Variants in PPARGC1A observed in about 807,000 individuals in gnomAD.
PPARGC1A encodes the protein PPARG coactivator 1 alpha.
Under a neutral mutation model 88.7 loss-of-function variants are expected in PPARGC1A, and 25 were observed. The observed-to-expected ratio is 0.28, with a 90% CI of 0.21 to 0.39. The LOEUF is 0.39. Ranked by LOEUF, PPARGC1A falls within the 10% of genes least tolerant of loss-of-function variation. The pLI, the probability that PPARGC1A is intolerant of heterozygous loss-of-function variation, is 1.00. For missense variants in PPARGC1A, 880 were observed against 968.7 expected, an observed-to-expected ratio of 0.91 and a Z score of 1.22; for synonymous variants, 363 against 355.6, an observed-to-expected ratio of 1.02 and a Z score of -0.24.
intron 2 of PPARGC1A, among the ~76,000 whole-genome samples, chr4:23,839,652 G>A (rs1214141927): frequency 2.6e-5 from 4 of 152,074 alleles, no homozygotes; most frequent in African/African-American, 7.2e-5. Flanking sequence ...CTGTTTTCAC[G>A]CTGCTGATAA....
chr4:24,123,917 AAAAAAAAAC>A, the PPARGC1A span, among the ~76,000 whole-genome samples: 1 of 151,552 alleles, frequency 6.6e-6, no homozygotes, highest in Non-Finnish European at 1.5e-5. Flanking sequence ...TGGCAAAAAA[AAAAAAAAAC>A]AAAAAAAACA....
chr4:24,329,486 G>A, the PPARGC1A span, among the ~76,000 whole-genome samples: 3 of 151,978 alleles, frequency 2.0e-5, no homozygotes, highest in Non-Finnish European at 4.4e-5. Flanking sequence ...GTTTCTGACT[G>A]CCCCAATTTC....
At chr4:23,814,632 AAAAAGAG>A in intron 7 of PPARGC1A, 27 bp from the exon 8 acceptor site, 1 of 1,475,528 alleles carries the variant, frequency 6.8e-7, no homozygotes, top group South Asian at 1.4e-5. Flanking sequence ...AAAAAAAAAA[AAAAAGAG>A]AGAGAAAGAA....
chr4:23,974,499 G>A, the PPARGC1A span, among the ~76,000 whole-genome samples: 2 of 152,128 alleles, frequency 1.3e-5, no homozygotes, highest in East Asian at 3.9e-4. Context: ...TTGCTTTAAC[G>A]TGGTTGCCAT....
At chr4:23,911,816 A>C in the PPARGC1A span, among the ~76,000 whole-genome samples, 1 of 152,168 alleles carries the variant, frequency 6.6e-6, no homozygotes, top group Non-Finnish European at 1.5e-5. Flanking sequence ...GCTACTTCTT[A>C]ACCTATTCTT....
the PPARGC1A span, among the ~76,000 whole-genome samples, chr4:24,451,303 T>C: frequency 1.3e-5 from 2 of 152,234 alleles, no homozygotes; most frequent in African/African-American, 4.8e-5. Context: ...TCATATTTTC[T>C]ACCCTGGCTA....
chr4:23,811,948 C>T (rs1195959345), intron 10 of PPARGC1A, among the ~76,000 whole-genome samples: 4 of 111,308 alleles, frequency 3.6e-5, no homozygotes, highest in African/African-American at 7.4e-5. Flanking sequence ...GACAGAGTCT[C>T]ACTCTGTCAC....
the PPARGC1A span, among the ~76,000 whole-genome samples, chr4:24,433,812 C>T: frequency 6.6e-6 from 1 of 152,102 alleles, no homozygotes; most frequent in Non-Finnish European, 1.5e-5. Context: ...CTGGACAGCC[C>T]GATTTTTATT....
the PPARGC1A span, among the ~76,000 whole-genome samples, chr4:24,438,323 T>C: frequency 1.1e-4 from 17 of 152,160 alleles, no homozygotes; most frequent in Non-Finnish European, 2.4e-4. Flanking sequence ...CATTATCCCA[T>C]TCTCTCCAGA....
the PPARGC1A span, among the ~76,000 whole-genome samples, chr4:23,995,787 A>T: frequency 1.3e-4 from 20 of 152,100 alleles, no homozygotes; most frequent in African/African-American, 4.8e-4. Flanking sequence ...TTCCTTCCTC[A>T]TCCTGATTGT....
Position 23,813,758 on chromosome 4 carries a change from G to T in PPARGC1A, c.1725C>A (p.His575Gln), listed in dbSNP as rs2109463461. ...AATATGGTGATCGGGAACACGACCT[G>T]TGTCGAGAAAAGGACCTTGAACGAG... ...MRSRSRSFSR[H>Q]RSCSRSPYSR... Residue 575 changes from histidine (H) to glutamine (Q), a missense_variant, in exon 8 of 13, where the codon CAC (histidine) becomes CAA (glutamine). His to Gln is a conservative substitution (Grantham distance 24). Coordinates refer to ENST00000264867, the MANE Select transcript of PPARGC1A (RefSeq NM_013261.5). The T allele has an allele frequency of 1.2e-6, 2 of 1,613,362 alleles. No individual in the cohort carries two copies. Among genetic ancestry groups the T allele is most frequent in the South Asian group, 2.2e-5 (2 of 91,064 alleles).
chr4:23,820,518 G>C (rs927667367), intron 7 of PPARGC1A: 5 of 317,296 alleles, frequency 1.6e-5, no homozygotes, highest in South Asian at 1.0e-4. Context: ...AAACAAAAAA[G>C]TGTAGCACTC....
chr4:23,918,860 A>G, the PPARGC1A span, among the ~76,000 whole-genome samples: 1 of 152,216 alleles, frequency 6.6e-6, no homozygotes, highest in Non-Finnish European at 1.5e-5. Context: ...GATAGGAGCA[A>G]GCGGCCTCTG....
At chr4:24,170,165 T>A in the PPARGC1A span, among the ~76,000 whole-genome samples, 1 of 152,208 alleles carries the variant, frequency 6.6e-6, no homozygotes, top group South Asian at 2.1e-4. Context: ...CTGTGCTATC[T>A]GATTCTACCC....
At chr4:23,869,374 A>G (rs1235096485) in intron 2 of PPARGC1A, among the ~76,000 whole-genome samples, 8 of 152,140 alleles carry the variant, frequency 5.3e-5, no homozygotes, top group Non-Finnish European at 7.3e-5. Context: ...TGAAACTGCC[A>G]AAGTTTGAAT....
the PPARGC1A span, among the ~76,000 whole-genome samples, chr4:23,993,474 A>C: frequency 6.6e-6 from 1 of 152,182 alleles, no homozygotes; most frequent in African/African-American, 2.4e-5. Flanking sequence ...TTAATGGTTA[A>C]AAACAAATTC....
intron 7 of PPARGC1A, among the ~76,000 whole-genome samples, chr4:23,818,403 T>G (rs61688770): frequency 6.6e-6 from 1 of 152,142 alleles, no homozygotes; most frequent in African/African-American, 2.4e-5. Flanking sequence ...TATTTTCTTT[T>G]GTCAAAAGAG....
At chr4:23,884,714 C>T in intron 2 of PPARGC1A, 38 bp downstream of exon 2, 1 of 1,576,658 alleles carries the variant, frequency 6.3e-7, no homozygotes, top group South Asian at 1.2e-5. Flanking sequence ...CCAAGCCAAA[C>T]TCAATGAAAA....
rs143092820 is a variant in PPARGC1A, at chr4:23,840,324, T to C, written c.235-8573A>G. On this transcript the variant is annotated intron_variant, in intron 2 of 12. Coordinates refer to ENST00000264867, the MANE Select transcript of PPARGC1A (RefSeq NM_013261.5). ...GGCCCTACACTTGGCCAACTTCATCTGACTCTGGCAACCCCTCATTCACCT... is the reference window on the plus strand; with the variant it reads ...GGCCCTACACTTGGCCAACTTCATCCGACTCTGGCAACCCCTCATTCACCT... 2.2e-4 allele frequency among the ~76,000 whole-genome samples: 33 copies of C among 152,236 alleles called. No homozygotes were observed. In the East Asian group the frequency reaches 6.2e-3, roughly 29 times the overall value.
Sources: gnomAD v4.1 joint callset for allele counts (sites outside exome capture counted in the v4.1 genomes callset) on GRCh38, gnomAD v4.1.1 for gene constraint, MANE v1.5 for transcripts, NCBI Gene and HGNC (gene_info 2026-07-23, HGNC 2026-07-21) for gene names.